The following NRXN3 variants were observed in gnomAD, a reference collection of about 807,000 sequenced individuals.
NRXN3 encodes the protein neurexin 3.
NRXN3 carries 32 observed loss-of-function variants against 137.6 expected under a neutral mutation model. That is an observed-to-expected ratio of 0.23 (90% confidence interval 0.18 to 0.31). The LOEUF (loss-of-function observed/expected upper bound fraction) is 0.31, where lower values mean the gene tolerates loss of function less well. Among genes scored for constraint, NRXN3 ranks in the 10% least tolerant of loss-of-function variants. The pLI is 1.00. For missense variants in NRXN3, 1,574 were observed against 2,062.5 expected (o/e 0.76, Z 4.59); for synonymous variants, 798 against 784.5 (o/e 1.02, Z -0.29).
intron 15 of NRXN3, among the ~76,000 whole-genome samples, chr14:79,124,041 G>A (rs1219138723): frequency 1.3e-5 from 2 of 152,118 alleles, no homozygotes; most frequent in Non-Finnish European, 2.9e-5. Context: ...CTTGGCGTCT[G>A]AAAAATGTAG....
rs546870163 is a variant in NRXN3 at position 78,739,557 on chromosome 14, C to T, written c.2044+24418C>T. On this transcript the variant is annotated intron_variant, in intron 8 of 20. Transcript: ENST00000335750. ...CGCGATCTTGGCTCACTGAAACCTC[C>T]GCCTCCCGGGTTCAAGCGATTCTCC... Among the ~76,000 whole-genome samples the T allele has an allele frequency of 3.3e-5, 5 of 152,280 alleles. 1 individual carries two copies. In the South Asian group the frequency reaches 8.3e-4, roughly 25 times the overall value.
intron 15 of NRXN3, among the ~76,000 whole-genome samples, chr14:79,226,849 T>G (rs2070980674): frequency 6.9e-6 from 1 of 144,942 alleles, no homozygotes; most frequent in Admixed American, 7.0e-5. Context: ...AGAGTCTTGC[T>G]CTTTTGCTCA....
At chr14:79,170,687 C>T (rs554978393) in intron 15 of NRXN3, among the ~76,000 whole-genome samples, 52 of 152,240 alleles carry the variant, frequency 3.4e-4, no homozygotes, top group South Asian at 1.4e-3. Context: ...CTGCTCTAGA[C>T]TTCTCCTGTC....
chr14:79,785,565 A>G (rs2099126918), intron 19 of NRXN3, among the ~76,000 whole-genome samples: 1 of 152,136 alleles, frequency 6.6e-6, no homozygotes, highest in Non-Finnish European at 1.5e-5. Context: ...TTCCTCTGAC[A>G]TCCCACTCAG....
intron 4 of NRXN3, among the ~76,000 whole-genome samples, chr14:78,449,759 G>A (rs993745684): frequency 1.3e-5 from 2 of 152,136 alleles, no homozygotes; most frequent in Admixed American, 1.3e-4. Context: ...TGTTCATCTT[G>A]TTGCTAATGT....
intron 4 of NRXN3, among the ~76,000 whole-genome samples, chr14:78,313,257 G>A (rs1271027468): frequency 6.6e-6 from 1 of 152,218 alleles, no homozygotes; most frequent in Non-Finnish European, 1.5e-5. Context: ...ATAGTTGGAA[G>A]ACTTTCGTGC....
intron 16 of NRXN3, among the ~76,000 whole-genome samples, chr14:79,529,268 A>G (rs2097148993): frequency 6.6e-6 from 1 of 152,158 alleles, no homozygotes. Flanking sequence ...GTGGTCAGAG[A>G]GAAACAGAAC....
intron 8 of NRXN3, among the ~76,000 whole-genome samples, chr14:78,718,687 G>T (rs772298928): frequency 1.3e-5 from 2 of 152,174 alleles, no homozygotes; most frequent in Non-Finnish European, 2.9e-5. Flanking sequence ...TCTAAAAATA[G>T]GCTTGATTGA....
intron 6 of NRXN3, among the ~76,000 whole-genome samples, chr14:78,657,341 T>G (rs548977314): frequency 6.6e-6 from 1 of 152,286 alleles, no homozygotes; most frequent in South Asian, 2.1e-4. Context: ...TCCTCCCACG[T>G]GTTGGACCTT....
intron 4 of NRXN3, among the ~76,000 whole-genome samples, chr14:78,530,160 G>A (rs995171350): frequency 6.6e-6 from 1 of 152,264 alleles, no homozygotes; most frequent in South Asian, 2.1e-4. Flanking sequence ...TTTGCATGTG[G>A]CCTGATAAAC....
At chr14:78,459,988 G>A (rs547644660) in intron 4 of NRXN3, among the ~76,000 whole-genome samples, 36 of 152,300 alleles carry the variant, frequency 2.4e-4, no homozygotes, top group African/African-American at 7.7e-4. Context: ...TGACCAACTG[G>A]CTATAAATCG....
intron 4 of NRXN3, among the ~76,000 whole-genome samples, chr14:78,486,368 A>T (rs1468707459): frequency 6.6e-6 from 1 of 151,992 alleles, no homozygotes; most frequent in Non-Finnish European, 1.5e-5. Flanking sequence ...TTCCTTTGGG[A>T]GGTCTGTAAT....
At position 79,858,639 on chromosome 14, in the gene NRXN3, T is replaced by TA. The variant is rs199908054; in HGVS notation, c.4094-2692dup. On this transcript the variant is annotated intron_variant, in intron 20 of 20. Transcript: ENST00000335750. ...TGTTAAACCTGTGTTACAGATAAGT[T>TA]AAAAAAAAAAATCCTGCCTTGTCCT... is the stretch of plus-strand genomic sequence containing the variant. Among the ~76,000 whole-genome samples, 104 of 147,618 alleles carry TA rather than the reference T, an allele frequency of 7.0e-4. No individual in the cohort carries two copies. In the East Asian group the frequency reaches 7.3e-3, roughly 10 times the overall value.
intron 4 of NRXN3, among the ~76,000 whole-genome samples, chr14:78,353,727 A>G (rs540888127): frequency 1.3e-5 from 2 of 152,308 alleles, no homozygotes; most frequent in South Asian, 2.1e-4. Flanking sequence ...AGAGACAGCA[A>G]TTCCAGAGAT....
At chr14:79,196,339 T>G (rs1238767220) in intron 15 of NRXN3, among the ~76,000 whole-genome samples, 1 of 152,208 alleles carries the variant, frequency 6.6e-6, no homozygotes, top group African/African-American at 2.4e-5. Flanking sequence ...TCTTAGTGCA[T>G]GAAACTGACA....
At chr14:79,172,336 A>G (rs1471551129) in intron 15 of NRXN3, among the ~76,000 whole-genome samples, 8 of 152,204 alleles carry the variant, frequency 5.3e-5, no homozygotes, top group Non-Finnish European at 1.2e-4. Flanking sequence ...CAGTAAAAGA[A>G]GATGAATGTA....
chr14:78,559,864 G>A (rs1406668985), intron 4 of NRXN3, among the ~76,000 whole-genome samples: 2 of 152,208 alleles, frequency 1.3e-5, no homozygotes, highest in African/African-American at 2.4e-5. Context: ...CTTGCAATTG[G>A]TTTATGTGTC....
At chr14:78,944,803 C>A (rs752750662) in intron 10 of NRXN3, among the ~76,000 whole-genome samples, 31 of 152,194 alleles carry the variant, frequency 2.0e-4, no homozygotes, top group Non-Finnish European at 4.3e-4. Context: ...TAATTTGCTA[C>A]AGCATCCCTA....
intron 20 of NRXN3, among the ~76,000 whole-genome samples, chr14:79,821,923 T>A (rs1243879376): frequency 2.0e-5 from 3 of 152,160 alleles, no homozygotes; most frequent in South Asian, 2.1e-4. Context: ...AGATTTTTTT[T>A]ATTGTATATC....
Sources: gnomAD v4.1 joint callset for allele counts (sites outside exome capture counted in the v4.1 genomes callset) on GRCh38, gnomAD v4.1.1 for gene constraint, MANE v1.5 for transcripts, NCBI Gene and HGNC (gene_info 2026-07-23, HGNC 2026-07-21) for gene names.